Variants in LINC00305 observed in about 807,000 individuals in gnomAD.
LINC00305 encodes the protein long independently transcribed non-coding RNA 305, also known as long intergenic non-protein coding RNA 305.
At chr18:64,087,818 G>A (rs545796997) in intron 3 of LINC00305, among the ~76,000 whole-genome samples, 5 of 152,198 alleles carry the variant, frequency 3.3e-5, no homozygotes, top group African/African-American at 7.2e-5. Context: ...GCAGCCAGGC[G>A]TGCTGGCTCA....
intron 1 of LINC00305, among the ~76,000 whole-genome samples, chr18:64,116,332 C>A (rs1200578879): frequency 6.6e-6 from 1 of 152,122 alleles, no homozygotes; most frequent in Non-Finnish European, 1.5e-5. Flanking sequence ...TTCCTCCTAG[C>A]ATGACAAAAA....
intron 1 of LINC00305, among the ~76,000 whole-genome samples, chr18:64,108,299 G>T (rs925766795): frequency 6.6e-6 from 1 of 152,176 alleles, no homozygotes; most frequent in South Asian, 2.1e-4. Context: ...ATGGCTTGGG[G>T]TGCTTGGAAA....
At chr18:64,087,645 A>T (rs2051208357) in intron 3 of LINC00305, among the ~76,000 whole-genome samples, 1 of 152,174 alleles carries the variant, frequency 6.6e-6, no homozygotes, top group African/African-American at 2.4e-5. Flanking sequence ...ATATATAGGG[A>T]ACATTCTGGG....
intron 1 of LINC00305, among the ~76,000 whole-genome samples, chr18:64,109,783 G>A (rs563701109): frequency 1.6e-4 from 25 of 152,124 alleles, no homozygotes; most frequent in African/African-American, 4.1e-4. Flanking sequence ...ACTTTGTTCC[G>A]GCCGTTGGAC....
intron 1 of LINC00305, chr18:64,147,156 C>T (rs1201011305): frequency 6.6e-6 from 1 of 152,100 alleles, no homozygotes; most frequent in Non-Finnish European, 1.5e-5. Context: ...AATATTTAAA[C>T]ATTCTGTGGT....
intron 1 of LINC00305, among the ~76,000 whole-genome samples, chr18:64,118,748 A>T (rs1212637482): frequency 6.6e-6 from 1 of 151,664 alleles, no homozygotes; most frequent in East Asian, 1.9e-4. Flanking sequence ...TCTATGCATC[A>T]TTGGCTATCT....
chr18:64,087,944 A>AC (rs1555664864), intron 3 of LINC00305, among the ~76,000 whole-genome samples: 9 of 151,938 alleles, frequency 5.9e-5, no homozygotes, highest in African/African-American at 2.2e-4. Flanking sequence ...ACAAAAAAAA[A>AC]CAAAACAAAC....
chr18:64,085,723 A>G (rs2051200802), intron 3 of LINC00305, among the ~76,000 whole-genome samples: 1 of 152,150 alleles, frequency 6.6e-6, no homozygotes, highest in South Asian at 2.1e-4. Flanking sequence ...TGCCTCCCAA[A>G]GTGCTGGGAT....
chr18:64,112,442 G>A (rs770718162), intron 1 of LINC00305, among the ~76,000 whole-genome samples: 20 of 151,450 alleles, frequency 1.3e-4, no homozygotes, highest in Non-Finnish European at 2.1e-4. Context: ...TCATATTTCC[G>A]TTGGAAGAAA....
intron 3 of LINC00305, among the ~76,000 whole-genome samples, chr18:64,096,864 G>A (rs1428072109): frequency 6.6e-6 from 1 of 151,680 alleles, no homozygotes; most frequent in African/African-American, 2.4e-5. Flanking sequence ...TTAGAAAAAT[G>A]TTTAATGAAC....
At chr18:64,117,639 G>T (rs978347581) in intron 1 of LINC00305, among the ~76,000 whole-genome samples, 2 of 152,182 alleles carry the variant, frequency 1.3e-5, no homozygotes, top group African/African-American at 4.8e-5. Context: ...AATGAAGGCA[G>T]TAGAAACAGT....
intron 1 of LINC00305, among the ~76,000 whole-genome samples, chr18:64,122,731 G>A (rs550347442): frequency 1.3e-5 from 2 of 152,136 alleles, no homozygotes; most frequent in South Asian, 2.1e-4. Flanking sequence ...AATGATGTTG[G>A]TATTTTGATA....
intron 3 of LINC00305, among the ~76,000 whole-genome samples, chr18:64,087,138 G>A (rs943394828): frequency 2.0e-4 from 30 of 152,210 alleles, no homozygotes; most frequent in East Asian, 5.8e-4. Flanking sequence ...AATAGCATCC[G>A]TAAGGCAAAT....
At chr18:64,125,406 T>TA (rs2051380162) in intron 1 of LINC00305, among the ~76,000 whole-genome samples, 1 of 150,408 alleles carries the variant, frequency 6.6e-6, no homozygotes, top group South Asian at 2.1e-4. Context: ...CTTTCACAAT[T>TA]AAATAAAAAA....
At chr18:64,136,887 G>A (rs952222252) in intron 1 of LINC00305, among the ~76,000 whole-genome samples, 13 of 116,554 alleles carry the variant, frequency 1.1e-4, no homozygotes, top group East Asian at 7.7e-4. Context: ...ATGCTGGCTT[G>A]ATCAAAGCTT....
chr18:64,125,487 G>A (rs1427033197), intron 1 of LINC00305, among the ~76,000 whole-genome samples: 1 of 151,966 alleles, frequency 6.6e-6, no homozygotes, highest in East Asian at 1.9e-4. Context: ...TATACCAGTA[G>A]CATTACATGG....
chr18:64,129,882 C>G (rs546242528), intron 1 of LINC00305, among the ~76,000 whole-genome samples: 1 of 150,328 alleles, frequency 6.7e-6, no homozygotes, highest in South Asian at 2.1e-4. Flanking sequence ...TTTCGCAAAA[C>G]AAATTAACTA....
chr18:64,087,925 C>A (rs1168103964), intron 3 of LINC00305, among the ~76,000 whole-genome samples: 2 of 149,042 alleles, frequency 1.3e-5, no homozygotes, highest in Non-Finnish European at 3.0e-5. Flanking sequence ...CCCCATCTCT[C>A]CCAAAACTAC....
chr18:64,080,586 G>A (rs186457108), intron 3 of LINC00305, among the ~76,000 whole-genome samples: 5 of 152,100 alleles, frequency 3.3e-5, no homozygotes, highest in African/African-American at 9.6e-5. Context: ...TCTATACCAG[G>A]ATTTTATCAT....
Sources: allele counts gnomAD v4.1 joint callset (sites outside exome capture counted in the v4.1 genomes callset), GRCh38; gene constraint gnomAD v4.1.1; transcripts MANE v1.5; gene names NCBI Gene and HGNC (gene_info 2026-07-23, HGNC 2026-07-21).